PLCL1: variants seen among roughly 807,000 people sequenced by gnomAD.
PLCL1 encodes the protein inactive phospholipase C-like protein 1.
In PLCL1, 41 loss-of-function variants were observed where a neutral mutation model predicts 84.4. The observed-to-expected ratio is 0.49, with a 90% CI of 0.38 to 0.63. The LOEUF is 0.63. Among genes scored for constraint, PLCL1 ranks in the 30% least tolerant of loss-of-function variants. The probability of loss-of-function intolerance (pLI) is 0.00; values close to 1 mark genes in which losing one functional copy is unlikely to be tolerated. For synonymous variants in PLCL1, 490 were observed against 488.3 expected (o/e 1.00, Z -0.05); for missense variants, 1,206 against 1,367.8 (o/e 0.88, Z 1.87).
chr2:197,904,293 T>C (rs1030478172), intron 1 of PLCL1, among the ~76,000 whole-genome samples: 1 of 152,200 alleles, frequency 6.6e-6, no homozygotes, highest in Admixed American at 6.5e-5. Context: ...TTCTCTCCAC[T>C]TCAGAGGTAT....
At chr2:197,936,339 T>C (rs945803219) in intron 1 of PLCL1, among the ~76,000 whole-genome samples, 2 of 152,186 alleles carry the variant, frequency 1.3e-5, no homozygotes, top group Admixed American at 6.5e-5. Context: ...TAAACCTCCA[T>C]TGTTTTCCAT....
chr2:197,810,893 G>C (rs890646371), intron 1 of PLCL1, among the ~76,000 whole-genome samples: 3 of 152,096 alleles, frequency 2.0e-5, no homozygotes, highest in Non-Finnish European at 4.4e-5. Flanking sequence ...TCCGACTTTA[G>C]ATGACCAGAC....
intron 1 of PLCL1, among the ~76,000 whole-genome samples, chr2:197,922,795 T>A (rs1480238838): frequency 8.1e-6 from 1 of 123,034 alleles, no homozygotes; most frequent in African/African-American, 3.0e-5. Flanking sequence ...CCCACCTCCC[T>A]CCCGGACGGG....
At chr2:197,970,040 T>A (rs1259036331) in intron 1 of PLCL1, among the ~76,000 whole-genome samples, 1 of 152,244 alleles carries the variant, frequency 6.6e-6, no homozygotes, top group African/African-American at 2.4e-5. Flanking sequence ...CAGCTATATG[T>A]GGCTATTGAG....
intron 1 of PLCL1, among the ~76,000 whole-genome samples, chr2:198,008,875 G>T (rs542495735): frequency 6.6e-6 from 1 of 151,872 alleles, no homozygotes; most frequent in Admixed American, 6.6e-5. Context: ...GGTATTTTAC[G>T]CTCTTTTGAT....
At chr2:198,102,533 T>C (rs192776431) in intron 4 of PLCL1, among the ~76,000 whole-genome samples, 8 of 152,166 alleles carry the variant, frequency 5.3e-5, no homozygotes, top group Non-Finnish European at 1.0e-4. Context: ...CCTGACCTCA[T>C]GTAGGCTTCT....
At chr2:197,982,576 G>A (rs1268475455) in intron 1 of PLCL1, among the ~76,000 whole-genome samples, 1 of 152,060 alleles carries the variant, frequency 6.6e-6, no homozygotes, top group Non-Finnish European at 1.5e-5. Context: ...AGGATTTTAC[G>A]AATCTCAAAA....
intron 1 of PLCL1, among the ~76,000 whole-genome samples, chr2:197,987,652 TG>T (rs1447120926): frequency 6.6e-6 from 1 of 152,238 alleles, no homozygotes; most frequent in Non-Finnish European, 1.5e-5. Context: ...AGCCCTTTTT[TG>T]GATCCTGGCT....
At chr2:198,044,542 A>T (rs1691742543) in intron 1 of PLCL1, among the ~76,000 whole-genome samples, 1 of 152,222 alleles carries the variant, frequency 6.6e-6, no homozygotes, top group Non-Finnish European at 1.5e-5. Context: ...TTTAATGTAT[A>T]TGTTATAGTA....
At chr2:197,824,143 T>C (rs1378495285) in intron 1 of PLCL1, among the ~76,000 whole-genome samples, 1 of 152,288 alleles carries the variant, frequency 6.6e-6, no homozygotes, top group East Asian at 1.9e-4. Context: ...AATGGTTTTT[T>C]TTCCTTGCTT....
chr2:198,135,454 A>G (rs1329257087), intron 5 of PLCL1, among the ~76,000 whole-genome samples: 1 of 152,198 alleles, frequency 6.6e-6, no homozygotes, highest in Non-Finnish European at 1.5e-5. Flanking sequence ...GCAAGGGAAT[A>G]AACAAGCAGT....
intron 1 of PLCL1, among the ~76,000 whole-genome samples, chr2:197,941,960 T>C (rs1444274311): frequency 3.3e-5 from 5 of 152,184 alleles, no homozygotes; most frequent in African/African-American, 9.7e-5. Context: ...TTTCTGGGGA[T>C]GGAACTGGGG....
At chr2:197,919,267 G>A (rs911801775) in intron 1 of PLCL1, among the ~76,000 whole-genome samples, 8 of 152,230 alleles carry the variant, frequency 5.3e-5, no homozygotes, top group African/African-American at 1.7e-4. Flanking sequence ...TATTGCAATC[G>A]GTTACCTATA....
At chr2:197,962,561 AT>A (rs1689645459) in intron 1 of PLCL1, among the ~76,000 whole-genome samples, 1 of 152,044 alleles carries the variant, frequency 6.6e-6, no homozygotes, top group Non-Finnish European at 1.5e-5. Flanking sequence ...TGGAGCATCC[AT>A]TTCCTCAATT....
intron 1 of PLCL1, among the ~76,000 whole-genome samples, chr2:198,070,231 T>A (rs1692427718): frequency 6.6e-6 from 1 of 152,150 alleles, no homozygotes; most frequent in Admixed American, 6.5e-5. Flanking sequence ...AAATCCTAAT[T>A]CAATATAGCA....
intron 1 of PLCL1, among the ~76,000 whole-genome samples, chr2:198,082,410 C>T (rs1692737337): frequency 6.6e-6 from 1 of 151,982 alleles, no homozygotes; most frequent in South Asian, 2.1e-4. Flanking sequence ...CGCCACTGCA[C>T]TCCAGCCTGG....
chr2:198,043,954 C>A (rs1002463620), intron 1 of PLCL1, among the ~76,000 whole-genome samples: 17 of 134,904 alleles, frequency 1.3e-4, no homozygotes, highest in Non-Finnish European at 9.6e-5. Flanking sequence ...GTATTTGTAC[C>A]TTTCTTTCCA....
At chr2:197,871,587 G>A (rs1687653331) in intron 1 of PLCL1, among the ~76,000 whole-genome samples, 1 of 152,090 alleles carries the variant, frequency 6.6e-6, no homozygotes. Context: ...GTGTCAGCAA[G>A]GGGTGGTTCC....
chr2:198,081,417 G>A (rs75455801), intron 1 of PLCL1, among the ~76,000 whole-genome samples: 2,444 of 152,236 alleles, frequency 0.016, 54 homozygotes, highest in African/African-American at 0.055. Flanking sequence ...TGCCTTGATG[G>A]TGTGGAAAAA....
Sources: gnomAD v4.1 joint callset for allele counts (sites outside exome capture counted in the v4.1 genomes callset) on GRCh38, gnomAD v4.1.1 for gene constraint, MANE v1.5 for transcripts, NCBI Gene and HGNC (gene_info 2026-07-23, HGNC 2026-07-21) for gene names.